ZDHHC11B: variants seen among roughly 807,000 people sequenced by gnomAD.
The protein encoded by ZDHHC11B is probable palmitoyltransferase ZDHHC11B.
In ZDHHC11B, 17 loss-of-function variants were observed where a neutral mutation model predicts 42.3. That is an observed-to-expected ratio of 0.40 (90% CI 0.27 to 0.60). ZDHHC11B has a LOEUF of 0.60. ZDHHC11B is among the 20% of genes least tolerant of loss of function. The pLI, the probability that ZDHHC11B is intolerant of heterozygous loss-of-function variation, is 0.41. For synonymous variants in ZDHHC11B, 123 were observed against 193.5 expected (o/e 0.64, Z 3.02); for missense variants, 262 against 463.2 (o/e 0.57, Z 3.99).
At chr5:750,855 AG>A (rs1416282517) in intron 7 of ZDHHC11B, among the ~76,000 whole-genome samples, 2 of 127,730 alleles carry the variant, frequency 1.6e-5, no homozygotes, top group African/African-American at 5.1e-5. Flanking sequence ...GGGCAGGGGC[AG>A]AGGTGGACCC....
intron 4 of ZDHHC11B, among the ~76,000 whole-genome samples, chr5:757,081 C>G (rs57701249): frequency 6.6e-6 from 1 of 151,842 alleles, no homozygotes; most frequent in African/African-American, 2.4e-5. Flanking sequence ...GCTCCCTCCT[C>G]CTCTCACCCT....
At position 710,537 on chromosome 5, in the gene ZDHHC11B, T is replaced by A. The variant is rs1187763485; in HGVS notation, c.*1753A>T. The A allele has an allele frequency of 1.3e-5, 2 of 155,064 alleles. No individual in the cohort carries two copies. Among genetic ancestry groups the A allele is most frequent in the African/African-American group, 4.8e-5 (2 of 41,450 alleles). 9.6% of individuals were successfully genotyped at this position (155,064 alleles called of 1,614,324 possible). A position where few individuals can be genotyped will look rare whatever the true frequency, so the allele number is the denominator to read the frequency against. The stretch of plus-strand genomic sequence containing the variant: ...GACTGAAAAACTCAGAATCCAGGTC[T>A]GGGGTTTCTCAGTACTATGCTCCCA... On this transcript the variant is annotated 3_prime_UTR_variant, in exon 14 of 14. Transcript: ENST00000508859.
chr5:749,657 C>G (rs1202614838), intron 7 of ZDHHC11B, among the ~76,000 whole-genome samples: 1 of 130,130 alleles, frequency 7.7e-6, no homozygotes, highest in Non-Finnish European at 1.7e-5. Context: ...TCGCTCAGGC[C>G]ACAATCAATG....
At chr5:756,954 GC>G (rs1200361405) in intron 4 of ZDHHC11B, among the ~76,000 whole-genome samples, 16 of 151,870 alleles carry the variant, frequency 1.1e-4, no homozygotes, top group African/African-American at 3.6e-4. Flanking sequence ...TCTGTCTTGG[GC>G]CCTCTGGGCT....
In ZDHHC11B at chr5:749,187, T is replaced by TC. The variant is rs1354841876; in HGVS notation, c.629-629dup. On this transcript the variant is annotated intron_variant, in intron 7 of 13. Coordinates refer to ENST00000508859, the MANE Select transcript of ZDHHC11B (RefSeq NM_001351303.2). The stretch of plus-strand genomic sequence containing the variant: ...TCCCTTCCTCATGGCCCACGCTGTG[T>TC]CCCTGGACCCTCTGCACCCTAAAAC... Among the ~76,000 whole-genome samples, 8 of 129,414 alleles carry TC rather than the reference T, an allele frequency of 6.2e-5. 3 individuals carry two copies. The highest frequency in any genetic ancestry group is 5.3e-4 in the Admixed American group (6 of 11,238). 84.9% of individuals were successfully genotyped at this position (129,414 alleles called of 152,430 possible).
intron 3 of ZDHHC11B, 74 bp from the exon 4 acceptor site, chr5:766,993 C>T (rs1450928764): frequency 6.6e-7 from 1 of 1,520,088 alleles, no homozygotes; most frequent in Admixed American, 1.8e-5. Context: ...GTCAGGGAGA[C>T]CACGGGGACT....
At chr5:714,991 T>A (rs1485551325) in intron 13 of ZDHHC11B, among the ~76,000 whole-genome samples, 2 of 150,946 alleles carry the variant, frequency 1.3e-5, no homozygotes, top group Admixed American at 1.3e-4. Context: ...CTCCATGTGA[T>A]CTCTGCACAT....
At chr5:729,768 A>G (rs1284053692) in intron 12 of ZDHHC11B, among the ~76,000 whole-genome samples, 2 of 151,982 alleles carry the variant, frequency 1.3e-5, no homozygotes, top group African/African-American at 4.8e-5. Context: ...TTTTATGGAA[A>G]GGAAAATGCA....
At chr5:777,404 G>C (rs1167178449) in intron 1 of ZDHHC11B, among the ~76,000 whole-genome samples, 1 of 151,844 alleles carries the variant, frequency 6.6e-6, no homozygotes, top group Admixed American at 6.6e-5. Context: ...CTGGCCTCAA[G>C]AGCAAAGCTG....
At chr5:725,060 G>A (rs1234633984) in intron 12 of ZDHHC11B, among the ~76,000 whole-genome samples, 5 of 151,022 alleles carry the variant, frequency 3.3e-5, no homozygotes, top group Non-Finnish European at 7.4e-5. Flanking sequence ...TAACCCCAGC[G>A]TTGTGTGTCA....
At chr5:759,250 A>G (rs1363692327) in intron 4 of ZDHHC11B, among the ~76,000 whole-genome samples, 1 of 151,928 alleles carries the variant, frequency 6.6e-6, no homozygotes, top group East Asian at 1.9e-4. Flanking sequence ...CCAGCCCAGA[A>G]CACACACCCT....
chr5:733,535 C>A (rs1202662220), intron 11 of ZDHHC11B, among the ~76,000 whole-genome samples: 1 of 151,582 alleles, frequency 6.6e-6, no homozygotes, highest in African/African-American at 2.4e-5. Flanking sequence ...ACTTTGGTAC[C>A]CATCTGTCTC....
intron 3 of ZDHHC11B, 102 bp downstream of exon 3, chr5:767,290 A>G: frequency 7.5e-7 from 1 of 1,335,158 alleles, no homozygotes; most frequent in Non-Finnish European, 1.0e-6. Context: ...CGGCTGCGGG[A>G]TGGCCCTCTC....
intron 4 of ZDHHC11B, among the ~76,000 whole-genome samples, chr5:766,092 A>T (rs561120475): frequency 6.6e-6 from 1 of 151,990 alleles, no homozygotes; most frequent in South Asian, 2.1e-4. Flanking sequence ...TGCCATGGTC[A>T]GCTGGAGGTA....
intron 1 of ZDHHC11B, among the ~76,000 whole-genome samples, chr5:770,172 G>T (rs1217015380): frequency 6.6e-6 from 1 of 150,534 alleles, no homozygotes; most frequent in African/African-American, 2.4e-5. Flanking sequence ...CAGCTGAGCC[G>T]GGTGCAGCCC....
intron 1 of ZDHHC11B, among the ~76,000 whole-genome samples, chr5:783,780 C>T (rs1737040872): frequency 7.6e-6 from 1 of 131,860 alleles, no homozygotes; most frequent in Admixed American, 7.6e-5. Context: ...ACAGCAGCCC[C>T]CAAACCCCAT....
At chr5:747,705 C>G (rs559600645) in intron 8 of ZDHHC11B, 1 of 169,286 alleles carries the variant, frequency 5.9e-6, no homozygotes, top group African/African-American at 2.4e-5. Flanking sequence ...CTGGCCTGGA[C>G]ACACTCTGCT....
intron 13 of ZDHHC11B, among the ~76,000 whole-genome samples, chr5:714,511 G>C (rs1741606668): frequency 7.7e-6 from 1 of 130,558 alleles, no homozygotes; most frequent in East Asian, 2.1e-4. Flanking sequence ...TTTTGAATGA[G>C]GCTAATTCAT....
intron 1 of ZDHHC11B, among the ~76,000 whole-genome samples, chr5:779,242 C>T (rs1204097039): frequency 1.3e-5 from 2 of 151,044 alleles, no homozygotes; most frequent in Admixed American, 1.3e-4. Flanking sequence ...CCAGAGGAAG[C>T]TGACTCATGA....
Sources: allele counts gnomAD v4.1 joint callset (sites outside exome capture counted in the v4.1 genomes callset), GRCh38; gene constraint gnomAD v4.1.1; transcripts MANE v1.5; gene names NCBI Gene and HGNC (gene_info 2026-07-23, HGNC 2026-07-21).